The following AVL9 variants were observed in gnomAD, a reference collection of about 807,000 sequenced individuals.
The protein encoded by AVL9 is late secretory pathway protein AVL9 homolog.
In AVL9, 49 loss-of-function variants were observed where a neutral mutation model predicts 79.2. That is an observed-to-expected ratio of 0.62 (90% confidence interval 0.49 to 0.79). The LOEUF (loss-of-function observed/expected upper bound fraction) is 0.79, where lower values mean the gene tolerates loss of function less well. AVL9 is among the 30% of genes least tolerant of loss of function. AVL9 has a pLI of 0.00. For missense variants in AVL9, 682 were observed against 776.8 expected (o/e 0.88, Z 1.45); for synonymous variants, 299 against 280.6 (o/e 1.07, Z -0.65).
intron 2 of AVL9, among the ~76,000 whole-genome samples, chr7:32,544,006 A>C (rs1583550448): frequency 6.7e-6 from 1 of 149,758 alleles, no homozygotes; most frequent in African/African-American, 2.5e-5. Context: ...CAGTTCTCCT[A>C]CCCCAGCCTT....
chr7:32,573,489 T>G, intron 12 of AVL9, 71 bp downstream of exon 12: 1 of 1,362,886 alleles, frequency 7.3e-7, no homozygotes, highest in Non-Finnish European at 1.0e-6. Context: ...TTTATGAGAT[T>G]TTGGATTGCA....
chr7:32,527,954 A>T (rs1313826993), intron 1 of AVL9, among the ~76,000 whole-genome samples: 2 of 152,130 alleles, frequency 1.3e-5, no homozygotes, highest in African/African-American at 4.8e-5. Context: ...ATGCCTCATT[A>T]TACCCCTCCA....
chr7:32,503,214 A>G (rs1787218662), intron 1 of AVL9, among the ~76,000 whole-genome samples: 1 of 151,228 alleles, frequency 6.6e-6, no homozygotes, highest in Non-Finnish European at 1.5e-5. Flanking sequence ...GTGGCTCACA[A>G]CTGTAAATCC....
In AVL9 at chr7:32,583,826, GAC is replaced by G; in HGVS notation, c.1868_1869del (p.Thr623SerfsTer19). ...TTGGAGGAGCTTTTTCCAGTGCAAA[GAC>G]AGCTATGTCTTCATGGCTTTCCACT... ...SVGGAFSSAK[T>X]AMSSWLSTFT... On this transcript the variant is annotated frameshift_variant, in exon 16 of 16. Coordinates refer to ENST00000318709, the MANE Select transcript of AVL9 (RefSeq NM_015060.3). LOFTEE classifies it high-confidence loss of function. 1 of 1,614,044 alleles carries G rather than the reference GAC, an allele frequency of 6.2e-7. No individual in the cohort carries two copies. The highest frequency in any genetic ancestry group is 8.5e-7 in the Non-Finnish European group (1 of 1,179,960).
At chr7:32,535,709 C>T (rs535045842) in intron 1 of AVL9, 2 of 152,260 alleles carry the variant, frequency 1.3e-5, no homozygotes, top group Non-Finnish European at 2.9e-5. Flanking sequence ...TTAATAATAA[C>T]CCTACTGGAT....
intron 7 of AVL9, among the ~76,000 whole-genome samples, chr7:32,554,182 G>C (rs1480278897): frequency 6.6e-6 from 1 of 152,136 alleles, no homozygotes. Flanking sequence ...AGCAGATGTT[G>C]ACTAGGATAT....
chr7:32,574,075 T>TA (rs1462753477), intron 12 of AVL9, among the ~76,000 whole-genome samples: 1 of 152,190 alleles, frequency 6.6e-6, no homozygotes, highest in East Asian at 1.9e-4. Flanking sequence ...TTAGAGTTGT[T>TA]AAAAATGTGT....
intron 6 of AVL9, among the ~76,000 whole-genome samples, chr7:32,552,710 T>C (rs982397310): frequency 3.9e-5 from 6 of 152,182 alleles, no homozygotes; most frequent in African/African-American, 1.4e-4. Context: ...TCCCAGCTAG[T>C]TGGTATTTTT....
At chr7:32,509,942 G>C (rs1787581234) in intron 1 of AVL9, among the ~76,000 whole-genome samples, 1 of 152,244 alleles carries the variant, frequency 6.6e-6, no homozygotes, top group Non-Finnish European at 1.5e-5. Flanking sequence ...TTAGTAATAA[G>C]ATAACAAGGA....
intron 1 of AVL9, among the ~76,000 whole-genome samples, chr7:32,522,768 C>T (rs950328406): frequency 2.0e-5 from 3 of 151,962 alleles, no homozygotes; most frequent in Non-Finnish European, 2.9e-5. Context: ...AATCTCAACT[C>T]GAATTATATC....
intron 1 of AVL9, among the ~76,000 whole-genome samples, chr7:32,512,878 T>C (rs942315156): frequency 1.3e-5 from 2 of 152,040 alleles, no homozygotes; most frequent in African/African-American, 2.4e-5. Flanking sequence ...CTCGCTGATA[T>C]CACAACCCAA....
chr7:32,540,740 C>G (rs922818153), intron 1 of AVL9, among the ~76,000 whole-genome samples: 1 of 152,068 alleles, frequency 6.6e-6, no homozygotes. Flanking sequence ...ACCGTACATT[C>G]CTACAGCCGG....
intron 1 of AVL9, among the ~76,000 whole-genome samples, chr7:32,507,308 T>C (rs1787453021): frequency 2.0e-5 from 3 of 152,190 alleles, no homozygotes; most frequent in African/African-American, 7.2e-5. Flanking sequence ...CCCTTCCCAA[T>C]ATATAGATCA....
chr7:32,557,736 T>C (rs1790130469), intron 8 of AVL9, among the ~76,000 whole-genome samples: 1 of 152,204 alleles, frequency 6.6e-6, no homozygotes, highest in Non-Finnish European at 1.5e-5. Flanking sequence ...TCAGACATTG[T>C]GACTATCCTG....
At chr7:32,539,266 AAAAG>A (rs1374252021) in intron 1 of AVL9, 1 of 152,216 alleles carries the variant, frequency 6.6e-6, no homozygotes, top group Non-Finnish European at 1.5e-5. Flanking sequence ...AAAGAAAAGG[AAAAG>A]AAAAGTGTGC....
intron 10 of AVL9, among the ~76,000 whole-genome samples, chr7:32,560,629 A>G (rs1435713520): frequency 2.0e-5 from 3 of 152,160 alleles, no homozygotes; most frequent in Non-Finnish European, 2.9e-5. Context: ...ACTTCCTCCA[A>G]ACTCCTGTTA....
chr7:32,503,684 CT>C (rs79754339), intron 1 of AVL9, among the ~76,000 whole-genome samples: 53,391 of 146,970 alleles, frequency 0.36, 9,836 homozygotes, highest in African/African-American at 0.46. Flanking sequence ...CTACAAGGTT[CT>C]TTTTTTTTTT....
At chr7:32,502,678 C>T (rs1787194913) in intron 1 of AVL9, among the ~76,000 whole-genome samples, 1 of 152,058 alleles carries the variant, frequency 6.6e-6, no homozygotes, top group Admixed American at 6.6e-5. Context: ...TCATTGTAGC[C>T]ATTTTTTTGG....
chr7:32,560,004 C>T (rs1000905908), intron 10 of AVL9: 1 of 152,016 alleles, frequency 6.6e-6, no homozygotes, highest in Admixed American at 6.6e-5. Context: ...TAGCTCATGC[C>T]TATAATCCCA....
Sources: gnomAD v4.1 joint callset for allele counts (sites outside exome capture counted in the v4.1 genomes callset) on GRCh38, gnomAD v4.1.1 for gene constraint, MANE v1.5 for transcripts, NCBI Gene and HGNC (gene_info 2026-07-23, HGNC 2026-07-21) for gene names.